The following LEKR1 variants were observed in gnomAD, a reference collection of about 807,000 sequenced individuals.
LEKR1 encodes protein LEKR1.
A neutral mutation model predicts 72.4 loss-of-function variants in LEKR1; 59 were observed. That is an observed-to-expected ratio of 0.82 (90% CI 0.66 to 1.01). The LOEUF (loss-of-function observed/expected upper bound fraction) is 1.01. LEKR1 is among the 50% of genes least tolerant of loss of function. The probability of loss-of-function intolerance (pLI) is 0.00; values close to 1 mark genes in which losing one functional copy is unlikely to be tolerated. For synonymous variants in LEKR1, 257 were observed against 263.2 expected (o/e 0.98, Z 0.23); for missense variants, 728 against 759.2 (o/e 0.96, Z 0.48).
At chr3:156,899,319 TATATACATATATACATATATACAC>T (rs747514684) in intron 3 of LEKR1, among the ~76,000 whole-genome samples, 353 of 130,126 alleles carry the variant, frequency 2.7e-3, no homozygotes, top group African/African-American at 4.2e-3. Flanking sequence ...CACACATGTA[TATATACATATATACATATATACAC>T]ATATATACAT....
intron 5 of LEKR1, among the ~76,000 whole-genome samples, chr3:156,927,919 A>T (rs1390982927): frequency 2.0e-5 from 3 of 152,112 alleles, no homozygotes; most frequent in Non-Finnish European, 2.9e-5. Flanking sequence ...CAGCCTTCTT[A>T]TAGATAACAA....
intron 1 of LEKR1, among the ~76,000 whole-genome samples, chr3:156,827,370 G>C (rs1711758740): frequency 6.6e-6 from 1 of 152,138 alleles, no homozygotes; most frequent in African/African-American, 2.4e-5. Context: ...GTAAACACCT[G>C]TTTCGTTATG....
chr3:156,997,434 A>G (rs1420678805), intron 9 of LEKR1, among the ~76,000 whole-genome samples: 1 of 152,254 alleles, frequency 6.6e-6, no homozygotes, highest in Admixed American at 6.5e-5. Flanking sequence ...AGCTGGGCTC[A>G]GGAAACACTT....
At chr3:157,002,152 C>G (rs1732065859) in intron 9 of LEKR1, among the ~76,000 whole-genome samples, 2 of 152,046 alleles carry the variant, frequency 1.3e-5, no homozygotes, top group South Asian at 4.1e-4. Flanking sequence ...TCCTATAATT[C>G]TAAAACATCA....
chr3:156,935,367 A>G (rs1725596463), intron 5 of LEKR1, among the ~76,000 whole-genome samples: 1 of 152,150 alleles, frequency 6.6e-6, no homozygotes, highest in South Asian at 2.1e-4. Context: ...CCTTTTAAAA[A>G]ACTTTCTTTT....
intron 12 of LEKR1, among the ~76,000 whole-genome samples, chr3:157,039,114 G>C (rs1735171860): frequency 6.6e-6 from 1 of 152,100 alleles, no homozygotes; most frequent in Non-Finnish European, 1.5e-5. Context: ...TCTCTACAGG[G>C]CTACCAAGAT....
At chr3:156,877,911 T>C (rs887782020) in intron 3 of LEKR1, among the ~76,000 whole-genome samples, 2 of 152,102 alleles carry the variant, frequency 1.3e-5, no homozygotes, top group Non-Finnish European at 2.9e-5. Context: ...GCCTCCTTAG[T>C]AGCTGGGATT....
chr3:156,953,341 T>A (rs1419890543), intron 6 of LEKR1, among the ~76,000 whole-genome samples: 2 of 151,560 alleles, frequency 1.3e-5, no homozygotes, highest in Admixed American at 1.3e-4. Flanking sequence ...TATTATTATT[T>A]TTTCCCTCAA....
intron 2 of LEKR1, among the ~76,000 whole-genome samples, chr3:156,845,566 T>A (rs1363777681): frequency 6.6e-6 from 1 of 152,092 alleles, no homozygotes; most frequent in Non-Finnish European, 1.5e-5. Flanking sequence ...GATATCCAAT[T>A]GTACCAGCAC....
chr3:156,834,244 C>T (rs190192100), intron 2 of LEKR1, among the ~76,000 whole-genome samples: 2 of 152,250 alleles, frequency 1.3e-5, no homozygotes, highest in Admixed American at 6.5e-5. Context: ...GGCCTTGTAA[C>T]AGTGTGCTTT....
At chr3:156,926,967 T>C (rs186748032) in intron 4 of LEKR1, among the ~76,000 whole-genome samples, 78 of 152,056 alleles carry the variant, frequency 5.1e-4, no homozygotes, top group African/African-American at 1.8e-3. Context: ...ATGAAGCAAA[T>C]GCACTGGATC....
chr3:156,869,360 T>C (rs1270039106), intron 3 of LEKR1, among the ~76,000 whole-genome samples: 1 of 152,108 alleles, frequency 6.6e-6, no homozygotes, highest in African/African-American at 2.4e-5. Flanking sequence ...CACCAGCATC[T>C]GTTATTATTT....
chr3:156,977,024 G>C (rs376947418), intron 6 of LEKR1, among the ~76,000 whole-genome samples: 1 of 152,208 alleles, frequency 6.6e-6, no homozygotes, highest in Admixed American at 6.5e-5. Context: ...GAGTTCACCC[G>C]TTTGGCTGGG....
At chr3:156,989,928 G>T (rs1050656386) in intron 7 of LEKR1, among the ~76,000 whole-genome samples, 1 of 152,036 alleles carries the variant, frequency 6.6e-6, no homozygotes, top group African/African-American at 2.4e-5. Flanking sequence ...ACTTCAGCCA[G>T]CCTAATCAGT....
intron 3 of LEKR1, among the ~76,000 whole-genome samples, chr3:156,864,661 A>G (rs573435670): frequency 1.3e-5 from 2 of 152,136 alleles, no homozygotes; most frequent in South Asian, 2.1e-4. Flanking sequence ...TCTAATTCAG[A>G]TCATCATTTA....
At chr3:156,877,733 G>A (rs1718779061) in intron 3 of LEKR1, among the ~76,000 whole-genome samples, 1 of 151,674 alleles carries the variant, frequency 6.6e-6, no homozygotes, top group Non-Finnish European at 1.5e-5. Context: ...CTAATAGCCT[G>A]TCAATTTTAT....
At chr3:157,033,963 A>G (rs532137556) in intron 12 of LEKR1, among the ~76,000 whole-genome samples, 1 of 152,306 alleles carries the variant, frequency 6.6e-6, no homozygotes, top group Non-Finnish European at 1.5e-5. Context: ...TGTGCTTTAT[A>G]AGTGGGACAA....
chr3:156,971,816 G>T (rs1240022018), intron 6 of LEKR1, among the ~76,000 whole-genome samples: 3 of 152,154 alleles, frequency 2.0e-5, no homozygotes, highest in Non-Finnish European at 4.4e-5. Context: ...AGTTAGAATG[G>T]CAATCATTAA....
intron 4 of LEKR1, among the ~76,000 whole-genome samples, chr3:156,923,223 A>G (rs1724378173): frequency 6.6e-6 from 1 of 152,198 alleles, no homozygotes; most frequent in Admixed American, 6.5e-5. Flanking sequence ...TAATAAACCT[A>G]CAGAGTTGTG....
Sources: allele counts gnomAD v4.1 joint callset (sites outside exome capture counted in the v4.1 genomes callset), GRCh38; gene constraint gnomAD v4.1.1; transcripts MANE v1.5; gene names NCBI Gene and HGNC (gene_info 2026-07-23, HGNC 2026-07-21).